WHRN: variants seen among roughly 807,000 people sequenced by gnomAD.
WHRN encodes CASK-interacting protein CIP98.
In WHRN, 41 loss-of-function variants were observed where a neutral mutation model predicts 68.3. The observed-to-expected ratio is 0.60, with a 90% CI of 0.47 to 0.78. The LOEUF (loss-of-function observed/expected upper bound fraction) is 0.78. Among genes scored for constraint, WHRN ranks in the 30% least tolerant of loss-of-function variants. The pLI is 0.00. For synonymous variants in WHRN, 560 were observed against 561.3 expected (o/e 1.00, Z 0.03); for missense variants, 1,243 against 1,244.7 (o/e 1.00, Z 0.02).
intron 1 of WHRN, among the ~76,000 whole-genome samples, chr9:114,486,388 C>T (rs181295635): frequency 7.9e-5 from 12 of 152,340 alleles, no homozygotes; most frequent in Admixed American, 7.8e-4. Context: ...ACCACAGGCT[C>T]TGAGTCACAT....
At chr9:114,454,037 A>G (rs1294566579) in intron 3 of WHRN, among the ~76,000 whole-genome samples, 1 of 152,218 alleles carries the variant, frequency 6.6e-6, no homozygotes, top group Admixed American at 6.5e-5. Flanking sequence ...TTAACAGATT[A>G]AAAGAGAAAA....
At chr9:114,504,079 A>G (rs1844171037) in intron 1 of WHRN, 105 bp downstream of exon 1, 2 of 1,546,340 alleles carry the variant, frequency 1.3e-6, no homozygotes, top group South Asian at 2.4e-5. Context: ...AAAAGCCCAG[A>G]AAGGCCAAGT....
At chr9:114,453,776 C>A (rs545684373) in intron 3 of WHRN, among the ~76,000 whole-genome samples, 2 of 152,274 alleles carry the variant, frequency 1.3e-5, no homozygotes, top group Admixed American at 6.5e-5. Context: ...CCCAAAAAAA[C>A]TCAAGCCCAG....
chr9:114,485,265 C>G (rs931562029), intron 1 of WHRN, among the ~76,000 whole-genome samples: 2 of 152,240 alleles, frequency 1.3e-5, no homozygotes, highest in Admixed American at 1.3e-4. Context: ...GCCTGCTCTT[C>G]GCAGCCGCAC....
intron 3 of WHRN, among the ~76,000 whole-genome samples, chr9:114,458,398 C>T (rs1486593054): frequency 1.3e-5 from 2 of 152,158 alleles, no homozygotes; most frequent in East Asian, 1.9e-4. Flanking sequence ...AAAAATGTAG[C>T]AAATGTGTAT....
intron 3 of WHRN, among the ~76,000 whole-genome samples, chr9:114,431,103 T>C (rs543177994): frequency 7.9e-5 from 12 of 152,310 alleles, no homozygotes; most frequent in African/African-American, 2.6e-4. Context: ...AGTGTCCTAG[T>C]GTCACCCCGT....
chr9:114,409,233 G>A (rs992343658), intron 7 of WHRN, among the ~76,000 whole-genome samples: 2 of 126,934 alleles, frequency 1.6e-5, no homozygotes, highest in African/African-American at 5.1e-5. Context: ...ATAAGGGGCT[G>A]GGGACACAGA....
chr9:114,439,938 G>A (rs758212472), intron 3 of WHRN, among the ~76,000 whole-genome samples: 9 of 152,114 alleles, frequency 5.9e-5, no homozygotes, highest in African/African-American at 1.2e-4. Context: ...TTATTGAGAC[G>A]GAGTCTCTCT....
At chr9:114,471,342 C>T (rs1330130378) in intron 2 of WHRN, among the ~76,000 whole-genome samples, 1 of 152,204 alleles carries the variant, frequency 6.6e-6, no homozygotes, top group Non-Finnish European at 1.5e-5. Flanking sequence ...GTTATCCCCA[C>T]TTTCCAGATG....
intron 7 of WHRN, among the ~76,000 whole-genome samples, chr9:114,413,957 AG>A (rs1554715932): frequency 1.0e-5 from 1 of 95,866 alleles, no homozygotes; most frequent in Middle Eastern, 6.8e-3. Context: ...GTCAGTGGAA[AG>A]AGAGAGTGAC....
intron 3 of WHRN, among the ~76,000 whole-genome samples, chr9:114,465,441 C>T (rs1279921118): frequency 6.6e-6 from 1 of 152,200 alleles, no homozygotes; most frequent in Non-Finnish European, 1.5e-5. Flanking sequence ...CTTTACCCAT[C>T]CCTCTCTCTC....
At chr9:114,483,368 C>T (rs950083291) in intron 1 of WHRN, among the ~76,000 whole-genome samples, 2 of 152,182 alleles carry the variant, frequency 1.3e-5, no homozygotes, top group Non-Finnish European at 2.9e-5. Flanking sequence ...AGAGGACGGT[C>T]TCTGCTCCTA....
At chr9:114,503,384 C>A (rs1844106010) in intron 1 of WHRN, among the ~76,000 whole-genome samples, 1 of 152,168 alleles carries the variant, frequency 6.6e-6, no homozygotes, top group Non-Finnish European at 1.5e-5. Flanking sequence ...CATGAATCCA[C>A]CCTGGACCCA....
intron 9 of WHRN, among the ~76,000 whole-genome samples, chr9:114,405,389 T>C (rs1834956667): frequency 2.0e-5 from 3 of 152,198 alleles, no homozygotes; most frequent in African/African-American, 7.2e-5. Context: ...AATTACTACT[T>C]TGTATGTCTC....
Position 114,475,776 on chromosome 9 carries a change from T to C in WHRN, c.837+2777A>G, listed in dbSNP as rs191959480. ...CCAGGGATCCAGAGACATCAGCTCA[T>C]GCCCCTTCCCAATAGGGAAATGGGG... is the stretch of plus-strand genomic sequence containing the variant. On this transcript the variant is annotated intron_variant, in intron 2 of 11. Coordinates refer to ENST00000362057, the MANE Select transcript of WHRN (RefSeq NM_015404.4). 4.4e-3 allele frequency among the ~76,000 whole-genome samples: 666 copies of C among 152,188 alleles called. 6 individuals carry two copies. The highest frequency in any genetic ancestry group is 0.015 in the African/African-American group (643 of 41,522).
At chr9:114,417,677 A>G (rs1034992325) in intron 7 of WHRN, among the ~76,000 whole-genome samples, 2 of 152,246 alleles carry the variant, frequency 1.3e-5, no homozygotes, top group African/African-American at 2.4e-5. Flanking sequence ...GTTATTACTC[A>G]GCATTACTGC....
chr9:114,442,406 G>A (rs527872496), intron 3 of WHRN, among the ~76,000 whole-genome samples: 42 of 152,306 alleles, frequency 2.8e-4, no homozygotes, highest in African/African-American at 9.6e-4. Flanking sequence ...TAGGAATAAA[G>A]AGGCATGAGA....
intron 3 of WHRN, among the ~76,000 whole-genome samples, chr9:114,442,734 T>G (rs2132607675): frequency 6.6e-6 from 1 of 152,250 alleles, no homozygotes; most frequent in South Asian, 2.1e-4. Flanking sequence ...CTGCTCTCCT[T>G]TGCCTTCTGC....
In WHRN at chr9:114,492,879, T is replaced by C. The variant is rs566819632; in HGVS notation, c.618+11305A>G. 2.0e-5 allele frequency among the ~76,000 whole-genome samples: 3 copies of C among 152,042 alleles called. No individual in the cohort carries two copies. In the East Asian group the frequency reaches 5.8e-4, roughly 29 times the overall value. On this transcript the variant is annotated intron_variant, in intron 1 of 11. Transcript: ENST00000362057. The stretch of plus-strand genomic sequence containing the variant: ...ATATATATACACACCATGCTGGGCA[T>C]GGTGGCGCAAGCCTGTAGTCCCAGC...
Sources: gnomAD v4.1 joint callset for allele counts (sites outside exome capture counted in the v4.1 genomes callset) on GRCh38, gnomAD v4.1.1 for gene constraint, MANE v1.5 for transcripts, NCBI Gene and HGNC (gene_info 2026-07-23, HGNC 2026-07-21) for gene names.